RALGAPA1: variants seen among roughly 807,000 people sequenced by gnomAD.
RALGAPA1 encodes the protein ral GTPase-activating protein subunit alpha-1.
RALGAPA1 carries 52 observed loss-of-function variants against 269.6 expected under a neutral mutation model. The observed-to-expected ratio is 0.19, with a 90% CI of 0.15 to 0.24. RALGAPA1 has a LOEUF of 0.24. Ranked by LOEUF, RALGAPA1 falls within the 10% of genes least tolerant of loss-of-function variation. RALGAPA1 has a pLI of 1.00. For missense variants in RALGAPA1, 1,917 were observed against 3,013.9 expected (o/e 0.64, Z 8.52); for synonymous variants, 817 against 1,008.3 (o/e 0.81, Z 3.60).
chr14:35,548,844 G>T (rs2054696825), intron 40 of RALGAPA1, among the ~76,000 whole-genome samples: 1 of 152,118 alleles, frequency 6.6e-6, no homozygotes, highest in East Asian at 1.9e-4. Context: ...CTTCAGAAAT[G>T]ATTCCAGAAG....
At position 35,689,908 on chromosome 14, in the gene RALGAPA1, C is replaced by T. The variant is rs1415296933; in HGVS notation, c.2503G>A (p.Glu835Lys). ...TGNEVFGALN[E>K]EQPLPRSSST... ...CTACTTCGAGGCAATGGCTGCTCCTCATTCAAAGCACCAAAAACTTCATTT... is the reference window on the plus strand; with the variant it reads ...CTACTTCGAGGCAATGGCTGCTCCTTATTCAAAGCACCAAAAACTTCATTT... Residue 835 changes from glutamate (E) to lysine (K), a missense_variant, in exon 18 of 42, where the codon GAG becomes AAG. By Grantham distance (56) the Glu-to-Lys change is moderately conservative. Around this residue, in one of 11 missense-constraint regions of RALGAPA1, gnomAD observed 125 missense variants for 155.7 expected, o/e 0.80. Transcript: ENST00000680220. The T allele has an allele frequency of 5.0e-6, 8 of 1,603,534 alleles. No individual in the cohort carries two copies. Among genetic ancestry groups the T allele is most frequent in the South Asian group, 1.1e-5 (1 of 89,562 alleles).
intron 10 of RALGAPA1, among the ~76,000 whole-genome samples, chr14:35,745,906 A>G (rs2072047016): frequency 6.6e-6 from 1 of 151,988 alleles, no homozygotes; most frequent in Non-Finnish European, 1.5e-5. Flanking sequence ...GCAATATTAT[A>G]GCGAGAACCC....
At chr14:35,766,685 G>T in intron 4 of RALGAPA1, 1 of 625,238 alleles carries the variant, frequency 1.6e-6, no homozygotes, top group Non-Finnish European at 3.1e-6. Context: ...ATGTTTTCTT[G>T]TTAAAATAAA....
intron 21 of RALGAPA1, among the ~76,000 whole-genome samples, chr14:35,682,287 T>C (rs530447059): frequency 6.6e-6 from 1 of 152,174 alleles, no homozygotes; most frequent in South Asian, 2.1e-4. Flanking sequence ...TTTCAACACT[T>C]TGGATTGTCA....
At chr14:35,552,022 A>G (rs891686579) in intron 39 of RALGAPA1, among the ~76,000 whole-genome samples, 1 of 152,142 alleles carries the variant, frequency 6.6e-6, no homozygotes, top group Non-Finnish European at 1.5e-5. Flanking sequence ...GGGGTCAAAC[A>G]CTGTTAGCTT....
At chr14:35,789,735 A>G (rs2076026755) in intron 1 of RALGAPA1, among the ~76,000 whole-genome samples, 1 of 152,200 alleles carries the variant, frequency 6.6e-6, no homozygotes, top group Non-Finnish European at 1.5e-5. Flanking sequence ...ACTGATATAA[A>G]GAGTTAGAAG....
intron 31 of RALGAPA1, among the ~76,000 whole-genome samples, chr14:35,649,425 A>G (rs2062665400): frequency 6.6e-6 from 1 of 152,242 alleles, no homozygotes; most frequent in African/African-American, 2.4e-5. Context: ...TCACTTTCAC[A>G]GAAGTACCAC....
chr14:35,762,360 A>C (rs1181810880), intron 5 of RALGAPA1, among the ~76,000 whole-genome samples: 1 of 152,132 alleles, frequency 6.6e-6, no homozygotes, highest in African/African-American at 2.4e-5. Flanking sequence ...GGTTCAAGCA[A>C]TTCTCCTGCT....
intron 21 of RALGAPA1, among the ~76,000 whole-genome samples, chr14:35,681,974 A>AATATTT (rs1271506597): frequency 6.6e-6 from 1 of 152,164 alleles, no homozygotes; most frequent in East Asian, 1.9e-4. Flanking sequence ...TGCATATATT[A>AATATTT]ATATTTAATT....
intron 33 of RALGAPA1, among the ~76,000 whole-genome samples, chr14:35,630,251 C>T (rs2061272502): frequency 6.6e-6 from 1 of 151,362 alleles, no homozygotes; most frequent in South Asian, 2.1e-4. Flanking sequence ...CAAGTTATGT[C>T]TACATAAATG....
intron 16 of RALGAPA1, among the ~76,000 whole-genome samples, chr14:35,701,411 A>G (rs1210307613): frequency 6.6e-6 from 1 of 152,188 alleles, no homozygotes; most frequent in Non-Finnish European, 1.5e-5. Context: ...TTAGATTATC[A>G]CACAACTCAC....
At chr14:35,548,664 C>T (rs951507059) in intron 40 of RALGAPA1, 126 bp from the exon 41 acceptor site, 1 of 598,074 alleles carries the variant, frequency 1.7e-6, no homozygotes, top group African/African-American at 1.9e-5. Context: ...TACCCTCTTA[C>T]ACTCTTTAAT....
rs756710088 is a variant in RALGAPA1, at chr14:35,677,911, TA to T, written c.4624+38del. 18 of 1,595,290 alleles carry T rather than the reference TA, an allele frequency of 1.1e-5. No homozygotes were observed. The South Asian group carries it at 2.0e-4, about 18-fold the overall frequency. On this transcript the variant is annotated intron_variant, in intron 22 of 41. Transcript: ENST00000680220. The stretch of plus-strand genomic sequence containing the variant: ...TTATGATCTCCTGACACTGACGCCC[TA>T]AAAGAAAAAAGGTAAATATCTAATT...
intron 35 of RALGAPA1, among the ~76,000 whole-genome samples, chr14:35,617,880 T>TA (rs56680862): frequency 0.12 from 17,478 of 151,684 alleles, 1,095 homozygotes; most frequent in South Asian, 0.13. Flanking sequence ...AAGAAAATTT[T>TA]AAAAAACCAC....
chr14:35,544,417 C>G (rs905796405), intron 41 of RALGAPA1, among the ~76,000 whole-genome samples: 10 of 152,168 alleles, frequency 6.6e-5, no homozygotes, highest in African/African-American at 2.4e-4. Flanking sequence ...GAAATACTAG[C>G]TTGACAAAGT....
intron 4 of RALGAPA1, chr14:35,765,864 G>C (rs1288066814): frequency 1.1e-5 from 8 of 757,398 alleles, no homozygotes; most frequent in Non-Finnish European, 1.8e-5. Context: ...CGAAATTGTT[G>C]GATTAGGGAG....
Position 35,688,530 on chromosome 14 carries a change from C to A in RALGAPA1, c.3881G>T (p.Arg1294Ile), listed in dbSNP as rs1216645522. The change falls in exon 18 of 42, where the codon AGA (arginine) becomes ATA (isoleucine). Residue 1294 changes from arginine (R) to isoleucine (I), a missense_variant. Arg to Ile is a moderately conservative substitution (Grantham distance 97, BLOSUM62 -3). This residue lies in a region of RALGAPA1 where 615 missense variants were observed against 790.0 expected (regional missense o/e 0.78). Coordinates refer to ENST00000680220, the MANE Select transcript of RALGAPA1 (RefSeq NM_001346249.2). ...KANVSPQRQN[R>I]MPPEAPLRDL... ...CCTCAGTGGAGCCTCTGGTGGCATT[C>A]TGTTCTGCCTCTGTGGGGAAACATT... is the stretch of plus-strand genomic sequence containing the variant. 1 of 1,536,124 alleles carries A rather than the reference C, an allele frequency of 6.5e-7. No individual in the cohort carries two copies. Among genetic ancestry groups the A allele is most frequent in the South Asian group, 1.2e-5 (1 of 84,066 alleles).
intron 37 of RALGAPA1, among the ~76,000 whole-genome samples, chr14:35,580,439 T>C (rs981586175): frequency 6.6e-6 from 1 of 152,220 alleles, no homozygotes; most frequent in African/African-American, 2.4e-5. Context: ...CAGGAAGAGA[T>C]AATTTATAGA....
intron 33 of RALGAPA1, among the ~76,000 whole-genome samples, chr14:35,631,506 G>C (rs2061356245): frequency 6.6e-6 from 1 of 152,020 alleles, no homozygotes; most frequent in Admixed American, 6.6e-5. Flanking sequence ...TATAGAAAAA[G>C]ATTTTTCTAT....
Sources: allele counts gnomAD v4.1 joint callset (sites outside exome capture counted in the v4.1 genomes callset), GRCh38; gene constraint gnomAD v4.1.1; regional missense constraint gnomAD v4.1.1; transcripts MANE v1.5; gene names NCBI Gene and HGNC (gene_info 2026-07-23, HGNC 2026-07-21).